Variants in SI observed in about 807,000 individuals in gnomAD.
SI encodes the protein sucrase-isomaltase, intestinal.
Under a neutral mutation model 253.3 loss-of-function variants are expected in SI, and 235 were observed. The observed-to-expected ratio is 0.93, with a 90% CI of 0.83 to 1.03. The LOEUF (loss-of-function observed/expected upper bound fraction) is 1.03. Among genes scored for constraint, SI ranks in the 50% least tolerant of loss-of-function variants. SI has a pLI of 0.00. For missense variants in SI, 2,442 were observed against 2,211.1 expected, an observed-to-expected ratio of 1.10 and a Z score of -2.09; for synonymous variants, 819 against 712.0, an observed-to-expected ratio of 1.15 and a Z score of -2.39.
At chr3:165,084,773 A>G in the SI span, among the ~76,000 whole-genome samples, 1 of 152,168 alleles carries the variant, frequency 6.6e-6, no homozygotes, top group Non-Finnish European at 1.5e-5. Flanking sequence ...GGAAACAGCT[A>G]TTCTAAAAAG....
At chr3:165,024,279 A>G (rs1189879766) in intron 25 of SI, among the ~76,000 whole-genome samples, 1 of 151,318 alleles carries the variant, frequency 6.6e-6, no homozygotes, top group Non-Finnish European at 1.5e-5. Flanking sequence ...TGAAATAGGA[A>G]CCCTGGCCAA....
At chr3:165,078,815 G>A (rs1715167118), upstream of SI, among the ~76,000 whole-genome samples, 3 of 151,066 alleles carry the variant, frequency 2.0e-5, no homozygotes, top group Admixed American at 2.0e-4. Flanking sequence ...TTTGTCCATT[G>A]TGTGCAATTT....
intron 46 of SI, 56 bp from the exon 47 acceptor site, chr3:164,982,466 A>T (rs973389912): frequency 7.4e-6 from 10 of 1,358,858 alleles, no homozygotes; most frequent in Non-Finnish European, 1.0e-5. Flanking sequence ...AGCAATTAAA[A>T]CTTTAAAAAT....
chr3:165,051,997 C>A (rs1713457226), intron 13 of SI, among the ~76,000 whole-genome samples: 1 of 151,860 alleles, frequency 6.6e-6, no homozygotes, highest in Non-Finnish European at 1.5e-5. Context: ...AAATTATTAA[C>A]CTACTGAGGC....
chr3:165,028,806 T>A (rs1712066419), intron 25 of SI, among the ~76,000 whole-genome samples: 1 of 151,466 alleles, frequency 6.6e-6, no homozygotes, highest in Admixed American at 6.6e-5. Flanking sequence ...GATTAAGGAC[T>A]TAAATCTAAG....
Position 165,043,066 on chromosome 3 carries a change from C to A in SI, c.1997G>T (p.Gly666Val). ...AGAACAAGAGGCTCTTACTTCATATCCGTCAGAATTATGGTTTCTGGAAAA... is the reference window on the plus strand; with the variant it reads ...AGAACAAGAGGCTCTTACTTCATATACGTCAGAATTATGGTTTCTGGAAAA... ...YPFSRNHNSD[G>V]YEHQDPAFFG... Residue 666 changes from glycine to valine, a missense_variant, in exon 17 of 48, where the codon GGA (glycine) becomes GTA (valine). Transcript: ENST00000264382. 14 of 1,590,326 alleles carry A rather than the reference C, an allele frequency of 8.8e-6. No individual in the cohort carries two copies. Among genetic ancestry groups the A allele is most frequent in the Non-Finnish European group, 1.2e-5 (14 of 1,158,880 alleles).
chr3:165,007,526 T>C (rs1295289617), intron 36 of SI, among the ~76,000 whole-genome samples: 1 of 152,016 alleles, frequency 6.6e-6, no homozygotes, highest in Admixed American at 6.6e-5. Context: ...CCTTTCAAAA[T>C]AATTTTATTT....
chr3:164,990,363 TAA>T (rs1181765977), intron 44 of SI, among the ~76,000 whole-genome samples: 1 of 152,158 alleles, frequency 6.6e-6, no homozygotes, highest in East Asian at 1.9e-4. Context: ...ATTCAAAATA[TAA>T]GACATTAAGT....
chr3:165,075,968 G>A lies in SI; in HGVS notation c.45C>T (p.Val15=). Reference sequence around the variant, plus strand: ...CTATTATAGTAACTATGACAAAAAGGACAATCAGAGAGATTTCCAATCCAC... The same window carrying A: ...CTATTATAGTAACTATGACAAAAAGAACAATCAGAGAGATTTCCAATCCAC... ...KFSGLEISLI[V]LFVIVTIIAI... Residue 15 remains valine (V), a synonymous_variant, in exon 2 of 48, where the codon GTC becomes GTT. Coordinates refer to ENST00000264382, the MANE Select transcript of SI (RefSeq NM_001041.4). 2 of 1,595,312 alleles carry A rather than the reference G, an allele frequency of 1.3e-6. No individual in the cohort carries two copies. Among genetic ancestry groups the A allele is most frequent in the Non-Finnish European group, 1.7e-6 (2 of 1,167,214 alleles).
At position 165,021,390 on chromosome 3, in the gene SI, C is replaced by A. The variant is rs753801484; in HGVS notation, c.3100-7G>T. ...TCTTTTGGGGATCATAAATCTATTGCAGATAAGTAGTAAAAAAGTTTATTC... is the reference window on the plus strand; with the variant it reads ...TCTTTTGGGGATCATAAATCTATTGAAGATAAGTAGTAAAAAAGTTTATTC... On this transcript the variant is annotated splice_polypyrimidine_tract_variant and splice_region_variant and intron_variant, in intron 26 of 47. Coordinates refer to ENST00000264382, the MANE Select transcript of SI (RefSeq NM_001041.4). 6.2e-7 allele frequency: 1 copy of A among 1,607,760 alleles called. No individual in the cohort carries two copies. Among genetic ancestry groups the A allele is most frequent in the Non-Finnish European group, 8.5e-7 (1 of 1,175,168 alleles).
chr3:165,046,976 G>C lies in SI; in HGVS notation c.1752C>G (p.Phe584Leu). The change falls in exon 16 of 48, where the codon TTC becomes TTG. Residue 584 changes from phenylalanine (F) to leucine (L), a missense_variant. By Grantham distance (22) the Phe-to-Leu change is conservative. Transcript: ENST00000264382. ...VQKVFPNKRS[F>L]ILTRSTFAGS... Reference sequence around the variant, plus strand: ...CAGCAAATGTTGAGCGGGTAAGAATGAAGCTTCTCTTATTAGGAAAAACTT... The same window carrying C: ...CAGCAAATGTTGAGCGGGTAAGAATCAAGCTTCTCTTATTAGGAAAAACTT... 1.2e-6 allele frequency: 2 copies of C among 1,610,904 alleles called. No homozygotes were observed. The highest frequency in any genetic ancestry group is 1.7e-6 in the Non-Finnish European group (2 of 1,178,600).
At chr3:165,072,720 G>A (rs1438987465) in intron 3 of SI, among the ~76,000 whole-genome samples, 2 of 151,940 alleles carry the variant, frequency 1.3e-5, no homozygotes, top group Admixed American at 6.6e-5. Flanking sequence ...TTCCAGTTTT[G>A]CCTGTAAACT....
intron 44 of SI, among the ~76,000 whole-genome samples, chr3:164,988,036 T>C (rs1049021203): frequency 2.6e-5 from 4 of 152,214 alleles, no homozygotes; most frequent in African/African-American, 9.6e-5. Context: ...AGAGAATACC[T>C]TTCAAGCATG....
rs1718839639 is a variant in SI at position 165,012,994 on chromosome 3, CTTCCG to C, written c.4043_4047del (p.Thr1348ArgfsTer2). On this transcript the variant is annotated frameshift_variant, in exon 34 of 48. Transcript: ENST00000264382. LOFTEE classifies it high-confidence loss of function. ...GTAAAACTTACATTAACAGCTTCATCTTCCGTTAGAGTTTTATCTATTGTTATGTT... is the reference window on the plus strand; with the variant it reads ...GTAAAACTTACATTAACAGCTTCATCTTAGAGTTTTATCTATTGTTATGTT... 1 of 1,607,384 alleles carries C rather than the reference CTTCCG, an allele frequency of 6.2e-7. No homozygotes were observed.
rs1244187430 is a variant in SI, at chr3:165,032,570, A to T, written c.2688T>A (p.Asn896Lys). The T allele has an allele frequency of 6.2e-7, 1 of 1,609,594 alleles. No homozygotes were observed. The highest frequency in any genetic ancestry group is 8.5e-7 in the Non-Finnish European group (1 of 1,177,168). The change falls in exon 24 of 48, where the codon AAT becomes AAA. Residue 896 changes from asparagine to lysine, a missense_variant. By Grantham distance (94) the Asn-to-Lys change is moderately conservative (BLOSUM62 0). Transcript: ENST00000264382. ...SVTEVRVAEN[N>K]QPMNAHSNFT... ...AATTGGAATGAGCGTTCATTGGTTGATTATTTTCCGCCACTCTAACTTCTG... is the reference window on the plus strand; with the variant it reads ...AATTGGAATGAGCGTTCATTGGTTGTTTATTTTCCGCCACTCTAACTTCTG...
At chr3:164,981,207 C>T (rs73018868) in intron 47 of SI, among the ~76,000 whole-genome samples, 37,292 of 151,974 alleles carry the variant, frequency 0.25, 7,811 homozygotes, top group African/African-American at 0.57. Context: ...ATTCTTGATA[C>T]AGTTTTAAGA....
chr3:165,064,677 A>G (rs1311805894), intron 7 of SI, among the ~76,000 whole-genome samples: 2 of 152,142 alleles, frequency 1.3e-5, no homozygotes, highest in East Asian at 3.9e-4. Flanking sequence ...TCAAGTATAA[A>G]GATAAAGACT....
chr3:165,026,548 A>C (rs572471699), intron 25 of SI, among the ~76,000 whole-genome samples: 3 of 151,564 alleles, frequency 2.0e-5, no homozygotes, highest in African/African-American at 7.2e-5. Flanking sequence ...TCATCAGCAC[A>C]TGGAACTTTC....
chr3:164,983,759 T>A (rs966010544), intron 45 of SI, among the ~76,000 whole-genome samples: 5 of 152,104 alleles, frequency 3.3e-5, no homozygotes, highest in Admixed American at 2.0e-4. Context: ...CTGGCTTTTT[T>A]ATTTTTTTAA....
Sources: allele counts gnomAD v4.1 joint callset (sites outside exome capture counted in the v4.1 genomes callset), GRCh38; gene constraint gnomAD v4.1.1; transcripts MANE v1.5; gene names NCBI Gene and HGNC (gene_info 2026-07-23, HGNC 2026-07-21).